ADAMTS2: variants seen among roughly 807,000 people sequenced by gnomAD.
ADAMTS2 encodes the protein A disintegrin and metalloproteinase with thrombospondin motifs 2.
Under a neutral mutation model 123.0 loss-of-function variants are expected in ADAMTS2, and 50 were observed. That is an observed-to-expected ratio of 0.41 (90% CI 0.32 to 0.51). The LOEUF is 0.51. Ranked by LOEUF, ADAMTS2 falls within the 20% of genes least tolerant of loss-of-function variation. The pLI is 0.35. For missense variants in ADAMTS2, 1,494 were observed against 1,705.2 expected, an observed-to-expected ratio of 0.88 and a Z score of 2.18; for synonymous variants, 678 against 695.4, an observed-to-expected ratio of 0.98 and a Z score of 0.39.
intron 2 of ADAMTS2, among the ~76,000 whole-genome samples, chr5:179,341,737 A>G (rs73808287): frequency 0.011 from 1,520 of 138,362 alleles, 23 homozygotes; most frequent in African/African-American, 0.039. Flanking sequence ...AAAAAAGAAA[A>G]CAGAACCAAT....
chr5:179,204,361 G>A (rs564534361), intron 4 of ADAMTS2, among the ~76,000 whole-genome samples: 107 of 152,322 alleles, frequency 7.0e-4, no homozygotes, highest in African/African-American at 2.4e-3. Context: ...ATATTTCACC[G>A]CAATTAAAAT....
At chr5:179,336,149 T>C (rs567603800) in intron 2 of ADAMTS2, among the ~76,000 whole-genome samples, 1 of 152,178 alleles carries the variant, frequency 6.6e-6, no homozygotes, top group African/African-American at 2.4e-5. Flanking sequence ...GAACTGAGGA[T>C]GCAATCGGCG....
In ADAMTS2 at chr5:179,261,297, G is replaced by A. The variant is rs529012305; in HGVS notation, c.688+11614C>T. ...GCAAATTAGCGCAAAAAGCAACGCC[G>A]CTTTGCTGCCGGAGCAGCAAAATAT... is the stretch of plus-strand genomic sequence containing the variant. On this transcript the variant is annotated intron_variant, in intron 3 of 21. Coordinates refer to ENST00000251582, the MANE Select transcript of ADAMTS2 (RefSeq NM_014244.5). 8.0e-4 allele frequency among the ~76,000 whole-genome samples: 122 copies of A among 152,204 alleles called. 2 individuals are homozygous for A. The highest frequency in any genetic ancestry group is 2.8e-3 in the African/African-American group (116 of 41,454).
In ADAMTS2 at chr5:179,130,495, C is replaced by A. The variant is rs1410171202; in HGVS notation, c.2291-397G>T. ...AGGGCATCTGCTGGACAGGCGAGCA[C>A]ATGACCCTGCTGGAGTAGGGCTTCC... On this transcript the variant is annotated intron_variant, in intron 15 of 21. Coordinates refer to ENST00000251582, the MANE Select transcript of ADAMTS2 (RefSeq NM_014244.5). The surrounding 1 kb of genome is among the most constrained non-coding windows in gnomAD (Gnocchi z 4.3). Among the ~76,000 whole-genome samples, 1 of 152,214 alleles carries A rather than the reference C, an allele frequency of 6.6e-6. No individual in the cohort carries two copies. The highest frequency in any genetic ancestry group is 2.4e-5 in the African/African-American group (1 of 41,460).
chr5:179,291,977 C>A (rs1756201585), intron 2 of ADAMTS2, among the ~76,000 whole-genome samples: 1 of 151,896 alleles, frequency 6.6e-6, no homozygotes, highest in African/African-American at 2.4e-5. Flanking sequence ...CTCCTGGGCT[C>A]AAGTAATCCT....
chr5:179,274,506 C>T (rs900631331), intron 2 of ADAMTS2, among the ~76,000 whole-genome samples: 6 of 152,216 alleles, frequency 3.9e-5, no homozygotes, highest in Non-Finnish European at 7.3e-5. Flanking sequence ...GGGCAGCCCC[C>T]GGCACCTGCC....
At chr5:179,198,354 C>T (rs531382258) in intron 4 of ADAMTS2, among the ~76,000 whole-genome samples, 13 of 152,322 alleles carry the variant, frequency 8.5e-5, no homozygotes, top group African/African-American at 3.1e-4. Context: ...CTGCCCACGG[C>T]TCTCACTCCA....
intron 3 of ADAMTS2, among the ~76,000 whole-genome samples, chr5:179,243,255 T>C (rs1256588405): frequency 6.6e-6 from 1 of 152,166 alleles, no homozygotes; most frequent in African/African-American, 2.4e-5. Context: ...CCAAATTTAA[T>C]TGGATCAAAC....
At chr5:179,138,817 G>A (rs3797593) in intron 11 of ADAMTS2, among the ~76,000 whole-genome samples, 56,611 of 152,082 alleles carry the variant, frequency 0.37, 10,689 homozygotes, top group African/African-American at 0.39. Flanking sequence ...GGTCCAGCTC[G>A]GGCCTGGCCA....
chr5:179,152,035 T>C, intron 10 of ADAMTS2, 107 bp downstream of exon 10: 2 of 1,004,538 alleles, frequency 2.0e-6, no homozygotes, highest in South Asian at 1.4e-5. Context: ...AGAGGTCCCC[T>C]GAGAGGGCCC....
Position 179,208,134 on chromosome 5 carries a change from G to T in ADAMTS2, c.689-419C>A, listed in dbSNP as rs1764756648. Among the ~76,000 whole-genome samples the T allele has an allele frequency of 1.8e-5, 2 of 108,442 alleles. 1 individual carries two copies. Among genetic ancestry groups the T allele is most frequent in the Non-Finnish European group, 4.9e-5 (2 of 41,102 alleles). 71.1% of individuals were successfully genotyped at this position (108,442 alleles called of 152,430 possible). A position where few individuals can be genotyped will look rare whatever the true frequency, so the allele number is the denominator to read the frequency against. On this transcript the variant is annotated intron_variant, in intron 3 of 21. Coordinates refer to ENST00000251582, the MANE Select transcript of ADAMTS2 (RefSeq NM_014244.5). ...GCCCGCACTGCCTGACGCTGGAGTG[G>T]GCAGAGCCACCCCTTGCCCACACTG...
At chr5:179,153,396 T>C (rs1763402605) in intron 9 of ADAMTS2, 95 bp downstream of exon 9, 2 of 1,574,300 alleles carry the variant, frequency 1.3e-6, no homozygotes, top group African/African-American at 1.3e-5. Flanking sequence ...CTCCCCACAC[T>C]GGGCCGGTCC....
chr5:179,196,057 C>G (rs1352823733), intron 4 of ADAMTS2, among the ~76,000 whole-genome samples: 1 of 152,174 alleles, frequency 6.6e-6, no homozygotes, highest in East Asian at 1.9e-4. Flanking sequence ...ACACTCCTGT[C>G]CGACCACTGC....
In ADAMTS2 at chr5:179,274,664, T is replaced by C. The variant is rs1419235516; in HGVS notation, c.535-1600A>G. Among the ~76,000 whole-genome samples, 3 of 152,200 alleles carry C rather than the reference T, an allele frequency of 2.0e-5. No individual in the cohort carries two copies. In the East Asian group the frequency reaches 5.8e-4, roughly 29 times the overall value. On this transcript the variant is annotated intron_variant, in intron 2 of 21. Transcript: ENST00000251582. Reference sequence around the variant, plus strand: ...AGGTGCTCGGTGAGCCCCATCCTGTTGCTGGCTGGGAGCCTCTGCAGACCG... The same window carrying C: ...AGGTGCTCGGTGAGCCCCATCCTGTCGCTGGCTGGGAGCCTCTGCAGACCG...
At chr5:179,191,198 C>G (rs1235742855) in intron 4 of ADAMTS2, among the ~76,000 whole-genome samples, 1 of 152,216 alleles carries the variant, frequency 6.6e-6, no homozygotes, top group African/African-American at 2.4e-5. Flanking sequence ...AGGGAAAGGC[C>G]GAGAAAAGTC....
intron 2 of ADAMTS2, among the ~76,000 whole-genome samples, chr5:179,283,872 A>G (rs1413911245): frequency 6.6e-6 from 1 of 151,372 alleles, no homozygotes; most frequent in Non-Finnish European, 1.5e-5. Context: ...CCTGGGAGAC[A>G]GAGACAGACC....
At position 179,123,675 on chromosome 5, in the gene ADAMTS2, C is replaced by T. The variant is rs141079944; in HGVS notation, c.2959-902G>A. Among the ~76,000 whole-genome samples the T allele has an allele frequency of 2.3e-3, 349 of 152,330 alleles. 1 individual carries two copies. The highest frequency in any genetic ancestry group is 4.1e-3 in the Admixed American group (63 of 15,300). On this transcript the variant is annotated intron_variant, in intron 19 of 21. Transcript: ENST00000251582. ...AACACCTGAGTTCAGGCGATCCACCCGCCTGGGCCTCCCAAAGTGCTGGGA... is the reference window on the plus strand; with the variant it reads ...AACACCTGAGTTCAGGCGATCCACCTGCCTGGGCCTCCCAAAGTGCTGGGA...
At chr5:179,208,141 C>CTACCCTTGCCCG (rs1237209552) in intron 3 of ADAMTS2, among the ~76,000 whole-genome samples, 4 of 101,584 alleles carry the variant, frequency 3.9e-5, no homozygotes, top group South Asian at 3.9e-4. Context: ...GTGGGCAGAG[C>CTACCCTTGCCCG]CACCCCTTGC....
Position 179,215,577 on chromosome 5 carries a change from A to C in ADAMTS2, c.689-7862T>G, listed in dbSNP as rs182035077. 2.6e-3 allele frequency among the ~76,000 whole-genome samples: 398 copies of C among 152,354 alleles called. 4 individuals carry two copies. The highest frequency in any genetic ancestry group is 8.9e-3 in the African/African-American group (371 of 41,580). On this transcript the variant is annotated intron_variant, in intron 3 of 21. Coordinates refer to ENST00000251582, the MANE Select transcript of ADAMTS2 (RefSeq NM_014244.5). The stretch of plus-strand genomic sequence containing the variant: ...CTTTCTAGAATCCCATTAAAAGTTC[A>C]GTAAAGAAATTTAAAAAAAATTTAA...
Sources: gnomAD v4.1 joint callset for allele counts (sites outside exome capture counted in the v4.1 genomes callset) on GRCh38, gnomAD v4.1.1 for gene constraint, Gnocchi (gnomAD v3.1) non-coding constraint, MANE v1.5 for transcripts, NCBI Gene and HGNC (gene_info 2026-07-23, HGNC 2026-07-21) for gene names.